The following ABCB5 variants were observed in gnomAD, a reference collection of about 807,000 sequenced individuals.
The protein encoded by ABCB5 is ATP-binding cassette sub-family B member 5.
ABCB5 carries 155 observed loss-of-function variants against 144.2 expected under a neutral mutation model. The observed-to-expected ratio is 1.08, with a 90% CI of 0.94 to 1.23. The LOEUF (loss-of-function observed/expected upper bound fraction) is 1.23. Among genes scored for constraint, ABCB5 ranks in the 50% most tolerant of loss-of-function variants. The probability of loss-of-function intolerance (pLI) is 0.00; values close to 1 mark genes in which losing one functional copy is unlikely to be tolerated. For missense variants in ABCB5, 1,830 were observed against 1,520.8 expected (o/e 1.20, Z -3.38); for synonymous variants, 610 against 528.6 (o/e 1.15, Z -2.11).
intron 1 of ABCB5, 110 bp from the exon 2 acceptor site, chr7:20,623,155 G>T (rs1783836148): frequency 1.4e-6 from 1 of 698,198 alleles, no homozygotes; most frequent in Non-Finnish European, 2.4e-6. Context: ...GAAATTCTGA[G>T]ATGCTTCCTT....
rs528500681 is a variant in ABCB5, at chr7:20,715,678, G to A, written c.2422-7338G>A. Among the ~76,000 whole-genome samples the A allele has an allele frequency of 5.9e-5, 9 of 151,900 alleles. No homozygotes were observed. In the South Asian group the frequency reaches 1.5e-3, roughly 25 times the overall value. On this transcript the variant is annotated intron_variant, in intron 20 of 27. Coordinates refer to ENST00000404938, the MANE Select transcript of ABCB5 (RefSeq NM_001163941.2). Reference sequence around the variant, plus strand: ...TCCCACTTGGGCCTCCCAAAGTGCTGGGATTATAAGTATGAGCCACCGCAC... The same window carrying A: ...TCCCACTTGGGCCTCCCAAAGTGCTAGGATTATAAGTATGAGCCACCGCAC...
Position 20,685,765 on chromosome 7 carries a change from C to T in ABCB5, c.1939C>T (p.Pro647Ser). The part of the protein sequence containing the change: ...YSTERKTNSL[P>S]LHSVKSIKSD... ...TACTGAAAGAAAGACCAACTCACTT[C>T]CTCTGCACTCTGTGAAGAGCATCAA... The change falls in exon 16 of 28, where the codon CCT (proline) becomes TCT (serine). Residue 647 changes from proline (P) to serine (S), a missense_variant. Transcript: ENST00000404938. The T allele has an allele frequency of 6.2e-7, 1 of 1,613,304 alleles. No homozygotes were observed. Among genetic ancestry groups the T allele is most frequent in the Non-Finnish European group, 8.5e-7 (1 of 1,179,396 alleles).
chr7:20,651,894 G>C (rs1784607110), intron 13 of ABCB5, among the ~76,000 whole-genome samples: 2 of 151,216 alleles, frequency 1.3e-5, no homozygotes, highest in South Asian at 4.3e-4. Context: ...TTAATGTGTG[G>C]CCCAAGACAA....
At chr7:20,698,130 A>T (rs991358266) in intron 16 of ABCB5, among the ~76,000 whole-genome samples, 27 of 152,226 alleles carry the variant, frequency 1.8e-4, no homozygotes, top group African/African-American at 6.5e-4. Flanking sequence ...TAACAATTAC[A>T]TGTGAGTTAA....
chr7:20,648,006 A>T lies in ABCB5; in HGVS notation c.1134A>T (p.Lys378Asn). Residue 378 changes from lysine to asparagine, a missense_variant, in exon 11 of 28, where the codon AAA becomes AAT. Coordinates refer to ENST00000404938, the MANE Select transcript of ABCB5 (RefSeq NM_001163941.2). The stretch of plus-strand genomic sequence containing the variant: ...ATAACTTTTCCACAGCTGGATATAA[A>T]CCTGAATCCATAGAAGGAACTGTGG... ...SIDNFSTAGYKPESIEGTVEF... is the reference protein window; with the variant it reads ...SIDNFSTAGYNPESIEGTVEF... 1 of 1,611,724 alleles carries T rather than the reference A, an allele frequency of 6.2e-7. No individual in the cohort carries two copies. The highest frequency in any genetic ancestry group is 8.5e-7 in the Non-Finnish European group (1 of 1,178,204).
intron 1 of ABCB5, among the ~76,000 whole-genome samples, chr7:20,618,170 A>C (rs1783728293): frequency 6.6e-6 from 1 of 152,276 alleles, no homozygotes. Flanking sequence ...TATCATCTTG[A>C]AAAGAAACCC....
chr7:20,695,438 C>T (rs754125019), intron 16 of ABCB5, among the ~76,000 whole-genome samples: 9 of 151,432 alleles, frequency 5.9e-5, no homozygotes, highest in South Asian at 2.1e-4. Context: ...AAAGCCCTTA[C>T]GTAAAACCTA....
Position 20,620,211 on chromosome 7 carries a change from A to T in ABCB5, c.-21-3054A>T, listed in dbSNP as rs187608748. Among the ~76,000 whole-genome samples, 191 of 152,330 alleles carry T rather than the reference A, an allele frequency of 1.3e-3. 1 individual carries two copies. Among genetic ancestry groups the T allele is most frequent in the South Asian group, 8.1e-3 (39 of 4,826 alleles). On this transcript the variant is annotated intron_variant, in intron 1 of 27. Transcript: ENST00000404938. ...AAACTGGATATCCACATTCAAAAGAATGAAGTTGAACTCTTACTTTACACC... is the reference window on the plus strand; with the variant it reads ...AAACTGGATATCCACATTCAAAAGATTGAAGTTGAACTCTTACTTTACACC...
intron 26 of ABCB5, among the ~76,000 whole-genome samples, chr7:20,746,729 G>A (rs1313876799): frequency 1.3e-5 from 2 of 152,180 alleles, no homozygotes; most frequent in Admixed American, 6.5e-5. Context: ...TGCACAGAGA[G>A]GGATAATTGT....
chr7:20,723,744 G>T (rs1325230209), intron 21 of ABCB5, among the ~76,000 whole-genome samples: 3 of 152,118 alleles, frequency 2.0e-5, no homozygotes, highest in Non-Finnish European at 4.4e-5. Context: ...ATTTTCTTGA[G>T]CAATTCTTCT....
Position 20,724,517 on chromosome 7 carries a change from T to C in ABCB5, c.2625+1298T>C, listed in dbSNP as rs567767326. 2.6e-5 allele frequency among the ~76,000 whole-genome samples: 4 copies of C among 151,456 alleles called. No individual in the cohort carries two copies. In the South Asian group the frequency reaches 8.4e-4, roughly 32 times the overall value. On this transcript the variant is annotated intron_variant, in intron 21 of 27. Transcript: ENST00000404938. Reference sequence around the variant, plus strand: ...GGTGGTGCGTGCCTGTAATCCCAGTTACTTGGGAGGCTGAGGCAGGAGAAT... The same window carrying C: ...GGTGGTGCGTGCCTGTAATCCCAGTCACTTGGGAGGCTGAGGCAGGAGAAT...
intron 14 of ABCB5, among the ~76,000 whole-genome samples, chr7:20,665,142 A>T (rs1785131716): frequency 6.6e-6 from 1 of 152,210 alleles, no homozygotes; most frequent in Non-Finnish European, 1.5e-5. Flanking sequence ...TCATTTTAGC[A>T]GAGTTTACAT....
At chr7:20,622,088 A>G (rs1783815762) in intron 1 of ABCB5, among the ~76,000 whole-genome samples, 1 of 152,178 alleles carries the variant, frequency 6.6e-6, no homozygotes, top group Non-Finnish European at 1.5e-5. Flanking sequence ...AAGCACAGTT[A>G]TGAAAGTGCA....
rs141195028 is a variant in ABCB5 at position 20,647,510 on chromosome 7, A to G, written c.982-25A>G. 468 of 1,529,102 alleles carry G rather than the reference A, an allele frequency of 3.1e-4. 2 individuals are homozygous for G. In the African/African-American group the frequency reaches 5.9e-3, roughly 19 times the overall value. 94.7% of individuals were successfully genotyped at this position (1,529,102 alleles called of 1,614,324 possible). ...TTTCTTATATAACTGCAGAAAGATA[A>G]ATATCACTTTGTTTGTTCCTGTAGG... On this transcript the variant is annotated intron_variant, in intron 9 of 27. Coordinates refer to ENST00000404938, the MANE Select transcript of ABCB5 (RefSeq NM_001163941.2).
At position 20,696,619 on chromosome 7, in the gene ABCB5, T is replaced by A. The variant is rs1442211348; in HGVS notation, c.2011-1788T>A. Among the ~76,000 whole-genome samples the A allele has an allele frequency of 3.3e-5, 5 of 152,246 alleles. No homozygotes were observed. In the East Asian group the frequency reaches 9.6e-4, roughly 29 times the overall value. ...TATAACTCAAGAAAGCTCTAAGCTGTATCAAATGAAATTTAGAATATTTTA... is the reference window on the plus strand; with the variant it reads ...TATAACTCAAGAAAGCTCTAAGCTGAATCAAATGAAATTTAGAATATTTTA... On this transcript the variant is annotated intron_variant, in intron 16 of 27. Coordinates refer to ENST00000404938, the MANE Select transcript of ABCB5 (RefSeq NM_001163941.2).
intron 20 of ABCB5, among the ~76,000 whole-genome samples, chr7:20,721,821 G>C (rs1006212602): frequency 6.6e-6 from 1 of 152,124 alleles, no homozygotes; most frequent in Non-Finnish European, 1.5e-5. Flanking sequence ...AGGTGATTTA[G>C]ATTCTATTGT....
chr7:20,679,310 A>G (rs748077171), intron 14 of ABCB5, among the ~76,000 whole-genome samples: 99 of 151,958 alleles, frequency 6.5e-4, no homozygotes, highest in Non-Finnish European at 1.3e-3. Flanking sequence ...TCTGCTAAAA[A>G]TACAAAAAAT....
intron 14 of ABCB5, among the ~76,000 whole-genome samples, chr7:20,679,313 C>CA (rs1353917606): frequency 6.6e-6 from 1 of 151,450 alleles, no homozygotes; most frequent in Non-Finnish European, 1.5e-5. Context: ...GCTAAAAATA[C>CA]AAAAAATTAG....
intron 16 of ABCB5, among the ~76,000 whole-genome samples, chr7:20,693,541 G>C (rs1177982753): frequency 1.3e-5 from 2 of 152,052 alleles, no homozygotes; most frequent in Non-Finnish European, 2.9e-5. Context: ...ACTCAAAAGT[G>C]TTTTGAATTG....
Sources: allele counts gnomAD v4.1 joint callset (sites outside exome capture counted in the v4.1 genomes callset), GRCh38; gene constraint gnomAD v4.1.1; transcripts MANE v1.5; gene names NCBI Gene and HGNC (gene_info 2026-07-23, HGNC 2026-07-21).